The following C1QTNF3 variants were observed in gnomAD, a reference collection of about 807,000 sequenced individuals.
The protein encoded by C1QTNF3 is complement C1q tumor necrosis factor-related protein 3.
C1QTNF3 carries 26 observed loss-of-function variants against 32.6 expected under a neutral mutation model. The observed-to-expected ratio is 0.80, with a 90% CI of 0.58 to 1.11. The LOEUF (loss-of-function observed/expected upper bound fraction) is 1.11, where lower values mean the gene tolerates loss of function less well. Among genes scored for constraint, C1QTNF3 ranks in the 50% least tolerant of loss-of-function variants. The probability of loss-of-function intolerance (pLI) is 0.00; values close to 1 mark genes in which losing one functional copy is unlikely to be tolerated. For missense variants in C1QTNF3, 362 were observed against 398.2 expected (o/e 0.91, Z 0.77); for synonymous variants, 155 against 146.0 (o/e 1.06, Z -0.44).
chr5:34,030,491 A>G (rs1754585720), intron 3 of C1QTNF3, among the ~76,000 whole-genome samples: 1 of 152,198 alleles, frequency 6.6e-6, no homozygotes, highest in South Asian at 2.1e-4. Flanking sequence ...TAAGTGGAGA[A>G]TGGGGTAGTA....
chr5:34,156,193 C>T, the C1QTNF3 span, among the ~76,000 whole-genome samples: 1 of 152,198 alleles, frequency 6.6e-6, no homozygotes, highest in Non-Finnish European at 1.5e-5. Flanking sequence ...GCCTCTGCCT[C>T]CCCAGTGGCT....
chr5:34,233,036 A>T, the C1QTNF3 span, among the ~76,000 whole-genome samples: 1 of 150,414 alleles, frequency 6.6e-6, no homozygotes, highest in Non-Finnish European at 1.5e-5. Context: ...AGTAATAAAC[A>T]TTTCTTCCCA....
the C1QTNF3 span, among the ~76,000 whole-genome samples, chr5:34,154,287 C>G: frequency 6.6e-6 from 1 of 152,132 alleles, no homozygotes; most frequent in Non-Finnish European, 1.5e-5. Flanking sequence ...CTGGGATGTA[C>G]AAAATCAAAT....
chr5:34,120,747 T>G, the C1QTNF3 span, among the ~76,000 whole-genome samples: 1 of 152,208 alleles, frequency 6.6e-6, no homozygotes, highest in Non-Finnish European at 1.5e-5. Flanking sequence ...CCACCATCAT[T>G]GTGAGGCCTC....
the C1QTNF3 span, among the ~76,000 whole-genome samples, chr5:34,049,387 T>C: frequency 6.6e-6 from 1 of 152,112 alleles, no homozygotes. Flanking sequence ...CCAGGGCTAG[T>C]CTGCTCAGCC....
the C1QTNF3 span, among the ~76,000 whole-genome samples, chr5:34,235,536 ATTTCTT>A: frequency 2.3e-5 from 3 of 131,476 alleles, no homozygotes; most frequent in Non-Finnish European, 3.2e-5. Flanking sequence ...AAGACAGGAT[ATTTCTT>A]TTTCTTTTTT....
chr5:34,139,650 G>C, the C1QTNF3 span, among the ~76,000 whole-genome samples: 1 of 151,714 alleles, frequency 6.6e-6, no homozygotes, highest in Non-Finnish European at 1.5e-5. Context: ...ACTTAACATC[G>C]CTTCAGAAAT....
chr5:34,177,290 G>T, the C1QTNF3 span, among the ~76,000 whole-genome samples: 1 of 152,074 alleles, frequency 6.6e-6, no homozygotes, highest in South Asian at 2.1e-4. Flanking sequence ...TTCAGACAGT[G>T]CAGACATGGG....
the C1QTNF3 span, among the ~76,000 whole-genome samples, chr5:34,159,741 C>T: frequency 6.6e-6 from 1 of 151,250 alleles, no homozygotes; most frequent in Non-Finnish European, 1.5e-5. Flanking sequence ...TGGAATTTGT[C>T]CCTGTACTAC....
At chr5:34,171,765 T>C in the C1QTNF3 span, among the ~76,000 whole-genome samples, 1 of 152,186 alleles carries the variant, frequency 6.6e-6, no homozygotes, top group Non-Finnish European at 1.5e-5. Flanking sequence ...TCTTATTATT[T>C]GTATAGTATG....
chr5:34,169,141 C>A, the C1QTNF3 span: 1 of 152,140 alleles, frequency 6.6e-6, no homozygotes, highest in Non-Finnish European at 1.5e-5. Flanking sequence ...TCTTGGATTT[C>A]CAGCCTGCAG....
At chr5:34,024,186 T>A (rs1754407046) in intron 4 of C1QTNF3, 178 bp from the exon 5 acceptor site, 1 of 578,708 alleles carries the variant, frequency 1.7e-6, no homozygotes, top group Admixed American at 2.8e-5. Context: ...CCCTTCCAAG[T>A]GCTTTCAATG....
chr5:34,193,639 T>C, the C1QTNF3 span: 1 of 650,572 alleles, frequency 1.5e-6, no homozygotes, highest in Admixed American at 2.1e-5. Context: ...TACATGGGCA[T>C]CCTTCAGCTT....
the C1QTNF3 span, among the ~76,000 whole-genome samples, chr5:34,227,436 T>C: frequency 2.6e-5 from 4 of 152,042 alleles, no homozygotes; most frequent in Admixed American, 6.6e-5. Context: ...TTCATTGTAT[T>C]AAATGATCAC....
the C1QTNF3 span, among the ~76,000 whole-genome samples, chr5:34,056,479 T>TATAGAGAG: frequency 2.5e-4 from 13 of 51,770 alleles, no homozygotes; most frequent in Admixed American, 5.6e-4. Flanking sequence ...TATATATATA[T>TATAGAGAG]AGAGAGAGAG....
At chr5:34,164,818 A>ACG in the C1QTNF3 span, 1 of 28,356 alleles carries the variant, frequency 3.5e-5, no homozygotes, top group East Asian at 6.1e-4. Flanking sequence ...TTTTCTCAAA[A>ACG]CACACACACA....
rs1238142332 is a variant in C1QTNF3, at chr5:34,020,623, A to C, written c.920T>G (p.Phe307Cys). 3 of 1,614,210 alleles carry C rather than the reference A, an allele frequency of 1.9e-6. No individual in the cohort carries two copies. The highest frequency in any genetic ancestry group is 1.1e-5 in the South Asian group (1 of 91,084). Residue 307 changes from phenylalanine to cysteine, a missense_variant, in exon 6 of 6, where the codon TTC (phenylalanine) becomes TGC (cysteine). By Grantham distance (205) the Phe-to-Cys change is radical. Coordinates refer to ENST00000382065, the MANE Select transcript of C1QTNF3 (RefSeq NM_181435.6). Reference sequence around the variant, plus strand: ...GAGCAGGAATCCTGCAAAGGTGGAGAAGCGTTGGTGGTCCCCATGGAGAGC... The same window carrying C: ...GAGCAGGAATCCTGCAAAGGTGGAGCAGCGTTGGTGGTCCCCATGGAGAGC... The part of the protein sequence containing the change: ...NGALHGDHQR[F>C]STFAGFLLFE...
chr5:34,077,050 T>A, the C1QTNF3 span, among the ~76,000 whole-genome samples: 1 of 151,812 alleles, frequency 6.6e-6, no homozygotes, highest in Admixed American at 6.6e-5. Context: ...ACAGGAACAG[T>A]CTTCAATTAA....
At chr5:34,181,515 G>A in the C1QTNF3 span, among the ~76,000 whole-genome samples, 1 of 152,270 alleles carries the variant, frequency 6.6e-6, no homozygotes, top group East Asian at 1.9e-4. Context: ...CTGCAGACTC[G>A]GCTCAGCCCA....
Sources: allele counts gnomAD v4.1 joint callset (sites outside exome capture counted in the v4.1 genomes callset), GRCh38; gene constraint gnomAD v4.1.1; transcripts MANE v1.5; gene names NCBI Gene and HGNC (gene_info 2026-07-23, HGNC 2026-07-21).